Variants in RBFOX1 observed in about 807,000 individuals in gnomAD.
RBFOX1 encodes RNA binding protein fox-1 homolog 1.
A neutral mutation model predicts 57.7 loss-of-function variants in RBFOX1; 8 were observed. The ratio of observed to expected loss-of-function variants is 0.14; its 90% CI spans 0.08 to 0.25. The LOEUF is 0.25. Among genes scored for constraint, RBFOX1 ranks in the 10% least tolerant of loss-of-function variants. The probability of loss-of-function intolerance (pLI) is 1.00; values close to 1 mark genes in which losing one functional copy is unlikely to be tolerated. For synonymous variants in RBFOX1, 326 were observed against 222.4 expected (o/e 1.47, Z -4.15); for missense variants, 611 against 548.5 (o/e 1.11, Z -1.14).
chr16:6,175,797 T>G (rs995970016), intron 1 of RBFOX1, among the ~76,000 whole-genome samples: 2 of 152,136 alleles, frequency 1.3e-5, no homozygotes, highest in Non-Finnish European at 2.9e-5. Context: ...GGGAGCAGTC[T>G]CTTGGTGATA....
At chr16:5,571,079 G>C (rs1407580674) in intron 2 of RBFOX1, among the ~76,000 whole-genome samples, 1 of 151,898 alleles carries the variant, frequency 6.6e-6, no homozygotes, top group Non-Finnish European at 1.5e-5. Context: ...TTTGATGTCT[G>C]TTCACTGAAG....
chr16:6,163,441 C>G (rs573807597), intron 1 of RBFOX1, among the ~76,000 whole-genome samples: 8 of 152,252 alleles, frequency 5.3e-5, no homozygotes, highest in African/African-American at 1.9e-4. Context: ...TGTTATAGCC[C>G]TTGGTTATGC....
At chr16:6,976,007 A>G (rs765644357) in intron 3 of RBFOX1, among the ~76,000 whole-genome samples, 8 of 152,010 alleles carry the variant, frequency 5.3e-5, no homozygotes, top group Non-Finnish European at 7.4e-5. Flanking sequence ...GGCGCCTGTA[A>G]TCTCAGCTAT....
chr16:5,476,938 C>G (rs1043014465), intron 2 of RBFOX1, among the ~76,000 whole-genome samples: 3 of 152,202 alleles, frequency 2.0e-5, no homozygotes, highest in African/African-American at 4.8e-5. Context: ...ATAGCACATA[C>G]TAAACTTTTT....
chr16:6,757,730 C>T (rs1217636495), intron 3 of RBFOX1, among the ~76,000 whole-genome samples: 1 of 152,086 alleles, frequency 6.6e-6, no homozygotes, highest in Non-Finnish European at 1.5e-5. Flanking sequence ...TGTTCCACAG[C>T]ATAGTATGGT....
intron 3 of RBFOX1, among the ~76,000 whole-genome samples, chr16:6,999,334 G>T (rs577610103): frequency 2.0e-5 from 3 of 151,224 alleles, no homozygotes; most frequent in African/African-American, 7.3e-5. Flanking sequence ...TGGGATGACA[G>T]GCATGAGCCG....
At chr16:5,747,526 G>C (rs2053033964) in intron 3 of RBFOX1, among the ~76,000 whole-genome samples, 4 of 152,012 alleles carry the variant, frequency 2.6e-5, no homozygotes, top group Admixed American at 2.6e-4. Context: ...GAGTTTTTTT[G>C]GTTGGTAGGC....
intron 4 of RBFOX1, among the ~76,000 whole-genome samples, chr16:7,371,679 G>A (rs1483024201): frequency 6.6e-6 from 1 of 152,144 alleles, no homozygotes; most frequent in Non-Finnish European, 1.5e-5. Context: ...GAACCCATGG[G>A]GCGGAGGTTG....
chr16:5,510,893 C>T (rs924595525), intron 2 of RBFOX1, among the ~76,000 whole-genome samples: 4 of 152,096 alleles, frequency 2.6e-5, no homozygotes, highest in Non-Finnish European at 4.4e-5. Context: ...GCTATGGCCA[C>T]GTATCCCCAG....
intron 4 of RBFOX1, among the ~76,000 whole-genome samples, chr16:7,158,062 G>T (rs1052938509): frequency 1.1e-4 from 16 of 152,142 alleles, no homozygotes; most frequent in African/African-American, 3.6e-4. Flanking sequence ...AAAAACTACA[G>T]GGTTGGCTGG....
intron 3 of RBFOX1, among the ~76,000 whole-genome samples, chr16:6,976,542 A>G (rs909289264): frequency 6.6e-6 from 1 of 152,036 alleles, no homozygotes; most frequent in African/African-American, 2.4e-5. Context: ...GCAAACTAAA[A>G]AAGCAAGTTT....
At chr16:6,967,356 T>C (rs1276090608) in intron 3 of RBFOX1, among the ~76,000 whole-genome samples, 1 of 152,290 alleles carries the variant, frequency 6.6e-6, no homozygotes, top group Non-Finnish European at 1.5e-5. Context: ...TTGGCTCTCA[T>C]GTTCCTTGAG....
rs140112655 is a variant in RBFOX1 at position 5,640,455 on chromosome 16, C to G, written c.318+41494C>G. Among the ~76,000 whole-genome samples, 32 of 152,024 alleles carry G rather than the reference C, an allele frequency of 2.1e-4. 1 individual carries two copies. In the East Asian group the frequency reaches 6.0e-3, roughly 29 times the overall value. On this transcript the variant is annotated intron_variant, in intron 3 of 19. Coordinates refer to the RBFOX1 transcript ENST00000641259. ...CATGCACATGAACACCATGCATACA[C>G]AGGCACACACACATGTACACCATGC...
chr16:5,555,611 G>C lies in RBFOX1; in HGVS notation c.259-43291G>C, dbSNP rs894738849. On this transcript the variant is annotated intron_variant, in intron 2 of 2. Transcript: ENST00000585867. ...TTTGCACCAACCTTATAGTTGGAGA[G>C]ACCGTGAAAGTTACCATAATCTGGA... Among the ~76,000 whole-genome samples, 9 of 152,144 alleles carry C rather than the reference G, an allele frequency of 5.9e-5. 1 individual carries two copies. The East Asian group carries it at 1.7e-3, about 29-fold the overall frequency.
chr16:7,710,819 C>CAGTAGTACATCATTT lies in RBFOX1; in HGVS notation c.*75_*89dup, dbSNP rs2083896330. 8.1e-7 allele frequency: 1 copy of CAGTAGTACATCATTT among 1,228,908 alleles called. No individual in the cohort carries two copies. The highest frequency in any genetic ancestry group is 3.1e-5 in the Admixed American group (1 of 32,028). 76.1% of individuals were successfully genotyped at this position (1,228,908 alleles called of 1,614,324 possible). A position where few individuals can be genotyped will look rare whatever the true frequency, so the allele number is the denominator to read the frequency against. ...CGAGGCCTGAGTATTGCAATACATG[C>CAGTAGTACATCATTT]AGTAGTACATCATTTTAGCAACTCT... On this transcript the variant is annotated 3_prime_UTR_variant, in exon 16 of 16. Coordinates refer to ENST00000550418, the MANE Select transcript of RBFOX1 (RefSeq NM_018723.4).
In RBFOX1 at chr16:6,779,731, T is replaced by A. The variant is rs1286212584; in HGVS notation, c.-16+125081T>A. ...TATATTTATATATATATTTATATATTTTTATATATTTTTATATATACTTTT... is the reference window on the plus strand; with the variant it reads ...TATATTTATATATATATTTATATATATTTATATATTTTTATATATACTTTT... On this transcript the variant is annotated intron_variant, in intron 3 of 15. Coordinates refer to ENST00000550418, the MANE Select transcript of RBFOX1 (RefSeq NM_018723.4). Among the ~76,000 whole-genome samples the A allele has an allele frequency of 4.8e-5, 4 of 83,170 alleles. 1 individual carries two copies. The highest frequency in any genetic ancestry group is 0.011 in the Middle Eastern group (2 of 180). 54.6% of individuals were successfully genotyped at this position (83,170 alleles called of 152,430 possible). A position where few individuals can be genotyped will look rare whatever the true frequency, so the allele number is the denominator to read the frequency against.
intron 4 of RBFOX1, among the ~76,000 whole-genome samples, chr16:5,910,835 A>T (rs964806120): frequency 6.6e-6 from 1 of 152,142 alleles, no homozygotes; most frequent in African/African-American, 2.4e-5. Flanking sequence ...TGGCAGATTC[A>T]CAACCCCAGG....
intron 1 of RBFOX1, among the ~76,000 whole-genome samples, chr16:6,308,019 G>C (rs968436317): frequency 6.7e-6 from 1 of 149,552 alleles, no homozygotes; most frequent in Admixed American, 6.7e-5. Context: ...TTTTATAAAT[G>C]ATATTTATGT....
At chr16:5,680,375 ATC>A (rs1435625754) in intron 3 of RBFOX1, among the ~76,000 whole-genome samples, 1 of 152,134 alleles carries the variant, frequency 6.6e-6, no homozygotes, top group Admixed American at 6.5e-5. Context: ...TTAATTTCAG[ATC>A]TCTCTTTTCA....
Sources: allele counts gnomAD v4.1 joint callset (sites outside exome capture counted in the v4.1 genomes callset), GRCh38; gene constraint gnomAD v4.1.1; transcripts MANE v1.5; gene names NCBI Gene and HGNC (gene_info 2026-07-23, HGNC 2026-07-21).